ZNF407: variants seen among roughly 807,000 people sequenced by gnomAD.
ZNF407 encodes the protein zinc finger protein 407.
A neutral mutation model predicts 131.2 loss-of-function variants in ZNF407; 17 were observed. That is an observed-to-expected ratio of 0.13 (90% CI 0.09 to 0.19). The LOEUF is 0.19. Among genes scored for constraint, ZNF407 ranks in the 10% least tolerant of loss-of-function variants. The pLI is 1.00. For missense variants in ZNF407, 2,681 were observed against 2,830.6 expected (o/e 0.95, Z 1.20); for synonymous variants, 1,156 against 1,062.0 (o/e 1.09, Z -1.72).
At chr18:74,675,329 T>C (rs1415962487) in intron 3 of ZNF407, among the ~76,000 whole-genome samples, 1 of 152,236 alleles carries the variant, frequency 6.6e-6, no homozygotes, top group East Asian at 1.9e-4. Flanking sequence ...TTCTTTATTG[T>C]CAGTCTCTCC....
intron 4 of ZNF407, among the ~76,000 whole-genome samples, chr18:74,800,533 C>T (rs1056341377): frequency 6.6e-6 from 1 of 152,030 alleles, no homozygotes; most frequent in African/African-American, 2.4e-5. Context: ...CCTCTTGCCT[C>T]TTAAAATTCA....
At chr18:74,679,390 T>A (rs1234024077) in intron 3 of ZNF407, among the ~76,000 whole-genome samples, 1 of 152,226 alleles carries the variant, frequency 6.6e-6, no homozygotes, top group East Asian at 1.9e-4. Context: ...ACTGTACACA[T>A]CTTGTCAGCA....
At chr18:74,629,465 G>T (rs1983949909) in intron 1 of ZNF407, among the ~76,000 whole-genome samples, 1 of 152,132 alleles carries the variant, frequency 6.6e-6, no homozygotes, top group Non-Finnish European at 1.5e-5. Context: ...TATCTGATTT[G>T]CAAAAATGTG....
rs1969320629 is a variant in ZNF407 at position 74,769,671 on chromosome 18, C to T, written c.4803-11757C>T. 1.3e-5 allele frequency among the ~76,000 whole-genome samples: 2 copies of T among 152,140 alleles called. 1 individual carries two copies. Among genetic ancestry groups the T allele is most frequent in the South Asian group, 4.1e-4 (2 of 4,830 alleles). On this transcript the variant is annotated intron_variant, in intron 3 of 8. Transcript: ENST00000299687. ...CATGTCATGTTTAACTTAACCAAGG[C>T]CATGTTGGCCTAGACTAGATGCAGG...
intron 1 of ZNF407, among the ~76,000 whole-genome samples, chr18:74,628,653 G>A (rs749617497): frequency 3.3e-5 from 5 of 152,144 alleles, no homozygotes; most frequent in Admixed American, 6.5e-5. Flanking sequence ...TGGTGTGATC[G>A]TAGCTCAGTG....
intron 7 of ZNF407, among the ~76,000 whole-genome samples, chr18:74,914,681 C>T (rs1049674556): frequency 2.0e-5 from 3 of 152,158 alleles, no homozygotes; most frequent in African/African-American, 7.2e-5. Flanking sequence ...AAACATTCTG[C>T]AGGTGCTGAA....
At chr18:74,619,787 G>A (rs931554212) in intron 1 of ZNF407, among the ~76,000 whole-genome samples, 13 of 152,060 alleles carry the variant, frequency 8.5e-5, no homozygotes, top group Admixed American at 8.5e-4. Flanking sequence ...TATTTGATGT[G>A]AAACAGCAAA....
intron 8 of ZNF407, among the ~76,000 whole-genome samples, chr18:75,021,736 AT>A (rs563152791): frequency 0.01 from 1,592 of 152,186 alleles, 29 homozygotes; most frequent in African/African-American, 0.035. Flanking sequence ...AAAGAGTTAA[AT>A]TTTTTTAATT....
intron 8 of ZNF407, among the ~76,000 whole-genome samples, chr18:74,971,736 ACT>A (rs1370576781): frequency 3.3e-5 from 5 of 151,758 alleles, no homozygotes; most frequent in African/African-American, 1.2e-4. Flanking sequence ...AACTGTTCCA[ACT>A]CTCTGCCTCT....
At chr18:75,004,629 G>A (rs1972886565) in intron 8 of ZNF407, among the ~76,000 whole-genome samples, 1 of 152,200 alleles carries the variant, frequency 6.6e-6, no homozygotes, top group Non-Finnish European at 1.5e-5. Flanking sequence ...TTGAGAACTG[G>A]AATTTCACCA....
intron 3 of ZNF407, among the ~76,000 whole-genome samples, chr18:74,781,205 G>T (rs7228254): frequency 6.6e-6 from 1 of 151,930 alleles, no homozygotes; most frequent in Non-Finnish European, 1.5e-5. Context: ...CTCACTGTTA[G>T]TGTATCCAAG....
chr18:74,901,358 A>G (rs1437804442), intron 7 of ZNF407, among the ~76,000 whole-genome samples: 2 of 152,154 alleles, frequency 1.3e-5, no homozygotes, highest in Non-Finnish European at 2.9e-5. Context: ...TCCCTTTGCA[A>G]ATTGAGATAG....
At chr18:74,693,716 C>T (rs769873412) in intron 3 of ZNF407, among the ~76,000 whole-genome samples, 3 of 152,008 alleles carry the variant, frequency 2.0e-5, no homozygotes, top group Non-Finnish European at 4.4e-5. Flanking sequence ...CTGTGTTCAT[C>T]GTGCTTGAGG....
At chr18:74,598,980 C>T (rs1040582907) in intron 1 of ZNF407, among the ~76,000 whole-genome samples, 1 of 152,224 alleles carries the variant, frequency 6.6e-6, no homozygotes, top group African/African-American at 2.4e-5. Context: ...ATTTGAGTTA[C>T]AGCTTTGCAG....
intron 4 of ZNF407, among the ~76,000 whole-genome samples, chr18:74,872,174 C>T (rs750496545): frequency 6.7e-5 from 10 of 148,694 alleles, no homozygotes; most frequent in Non-Finnish European, 1.3e-4. Flanking sequence ...GCATCCGCCC[C>T]GCCCCCCTCC....
chr18:74,815,371 A>G (rs1970254091), intron 4 of ZNF407, among the ~76,000 whole-genome samples: 1 of 152,168 alleles, frequency 6.6e-6, no homozygotes, highest in Admixed American at 6.5e-5. Context: ...CATCTCTGCT[A>G]CCCAAGTAGC....
At chr18:74,895,041 G>A (rs1248281291) in intron 7 of ZNF407, among the ~76,000 whole-genome samples, 3 of 151,682 alleles carry the variant, frequency 2.0e-5, no homozygotes, top group South Asian at 2.1e-4. Flanking sequence ...TCTGTATCTC[G>A]TGGAGCAGAA....
chr18:74,915,110 G>C (rs899090203), intron 7 of ZNF407, among the ~76,000 whole-genome samples: 12 of 152,192 alleles, frequency 7.9e-5, no homozygotes, highest in Admixed American at 7.2e-4. Flanking sequence ...GATGGTGACA[G>C]ATATAAGCTT....
chr18:74,803,861 A>G lies in ZNF407; in HGVS notation c.4877+22359A>G, dbSNP rs1004957677. ...TAATACTTTCTGGAGCATGGTTTCA[A>G]AAAGGTCAGGAATGACGGAGCGAAA... On this transcript the variant is annotated intron_variant, in intron 4 of 8. Transcript: ENST00000299687. 4 of 1,251,096 alleles carry G rather than the reference A, an allele frequency of 3.2e-6. No homozygotes were observed. In the African/African-American group the frequency reaches 4.5e-5, roughly 14 times the overall value. The allele number at this position is 1,251,096 out of a possible 1,614,324, so 77.5% of individuals were successfully genotyped here.
Sources: gnomAD v4.1 joint callset for allele counts (sites outside exome capture counted in the v4.1 genomes callset) on GRCh38, gnomAD v4.1.1 for gene constraint, MANE v1.5 for transcripts, NCBI Gene and HGNC (gene_info 2026-07-23, HGNC 2026-07-21) for gene names.